TOPBP1: variants seen among roughly 807,000 people sequenced by gnomAD.
TOPBP1 encodes DNA topoisomerase 2-binding protein 1.
TOPBP1 carries 28 observed loss-of-function variants against 167.7 expected under a neutral mutation model. That is an observed-to-expected ratio of 0.17 (90% CI 0.12 to 0.23). TOPBP1 has a LOEUF of 0.23. TOPBP1 is among the 10% of genes least tolerant of loss of function. The pLI, the probability that TOPBP1 is intolerant of heterozygous loss-of-function variation, is 1.00. For missense variants in TOPBP1, 1,554 were observed against 1,809.6 expected, an observed-to-expected ratio of 0.86 and a Z score of 2.56; for synonymous variants, 598 against 611.4, an observed-to-expected ratio of 0.98 and a Z score of 0.32.
intron 21 of TOPBP1, among the ~76,000 whole-genome samples, chr3:133,617,799 TAGG>T (rs778078388): frequency 2.2e-4 from 33 of 151,876 alleles, no homozygotes; most frequent in Non-Finnish European, 3.7e-4. Context: ...AGAAAAAAAA[TAGG>T]AGAATTCAGA....
At chr3:133,616,041 G>A (rs1193308023) in intron 23 of TOPBP1, among the ~76,000 whole-genome samples, 2 of 152,094 alleles carry the variant, frequency 1.3e-5, no homozygotes, top group African/African-American at 2.4e-5. Flanking sequence ...ATGATGTCAG[G>A]TGGAGAGCCT....
chr3:133,647,381 T>C (rs546264151), intron 10 of TOPBP1, among the ~76,000 whole-genome samples: 8 of 152,212 alleles, frequency 5.3e-5, no homozygotes, highest in Non-Finnish European at 8.8e-5. Flanking sequence ...TTTTCTGGGG[T>C]AACAAACCCC....
Position 133,620,230 on chromosome 3 carries a change from C to T in TOPBP1, c.3296G>A (p.Cys1099Tyr), listed in dbSNP as rs1269854277. 6.2e-7 allele frequency: 1 copy of T among 1,613,810 alleles called. No individual in the cohort carries two copies. The highest frequency in any genetic ancestry group is 1.3e-5 in the African/African-American group (1 of 74,924). ...GQRTSLSRSG[C>Y]NSASSTPDST... Reference sequence around the variant, plus strand: ...GTCAGGGGTTGAAGATGCGCTGTTACAACCACTTCTTGAAAGGGAAGTCCT... The same window carrying T: ...GTCAGGGGTTGAAGATGCGCTGTTATAACCACTTCTTGAAAGGGAAGTCCT... Residue 1099 changes from cysteine (C) to tyrosine (Y), a missense_variant, in exon 20 of 28, where the codon TGT becomes TAT. By Grantham distance (194) the Cys-to-Tyr change is radical (BLOSUM62 -2). Transcript: ENST00000260810.
intron 14 of TOPBP1, among the ~76,000 whole-genome samples, 160 bp from the exon 15 acceptor site, chr3:133,628,893 A>G (rs538613884): frequency 6.6e-6 from 1 of 152,324 alleles, no homozygotes; most frequent in Non-Finnish European, 1.5e-5. Context: ...AACTTCCTCT[A>G]GTTTTCCTCC....
chr3:133,600,533 C>T lies in TOPBP1; in HGVS notation c.*717G>A, dbSNP rs1271984267. ...GGATTACAGGCACGAGCCACCGCAC[C>T]CAGGCCCCTGCAATTCATTTTTTAC... On this transcript the variant is annotated 3_prime_UTR_variant, in exon 28 of 28. Transcript: ENST00000260810. The T allele has an allele frequency of 6.6e-6, 1 of 152,418 alleles. No individual in the cohort carries two copies. Among genetic ancestry groups the T allele is most frequent in the African/African-American group, 2.4e-5 (1 of 41,460 alleles). 9.4% of individuals were successfully genotyped at this position (152,418 alleles called of 1,614,324 possible). A position where few individuals can be genotyped will look rare whatever the true frequency, so the allele number is the denominator to read the frequency against.
intron 4 of TOPBP1, 25 bp from the exon 5 acceptor site, chr3:133,656,882 TA>T: frequency 6.6e-7 from 1 of 1,505,592 alleles, no homozygotes; most frequent in South Asian, 1.4e-5. Context: ...GAGAACACAT[TA>T]ATGCTGAAGC....
chr3:133,624,141 A>G lies in TOPBP1; in HGVS notation c.2839T>C (p.Tyr947His). 1.2e-6 allele frequency: 2 copies of G among 1,613,828 alleles called. No homozygotes were observed. Among genetic ancestry groups the G allele is most frequent in the Non-Finnish European group, 1.7e-6 (2 of 1,179,822 alleles). ...TTAGTGTCATTTGGCCGCCCTTGAT[A>G]GATGAAATGAGTCACTGTTTCATCA... is the stretch of plus-strand genomic sequence containing the variant. ...SFDETVTHFI[Y>H]QGRPNDTNRE... Residue 947 changes from tyrosine to histidine, a missense_variant, in exon 17 of 28, where the codon TAT (tyrosine) becomes CAT (histidine). Tyr to His is a moderately conservative substitution (Grantham distance 83, BLOSUM62 2). Coordinates refer to ENST00000260810, the MANE Select transcript of TOPBP1 (RefSeq NM_007027.4).
At chr3:133,607,884 T>C (rs1459715930) in intron 27 of TOPBP1, among the ~76,000 whole-genome samples, 1 of 152,192 alleles carries the variant, frequency 6.6e-6, no homozygotes, top group Non-Finnish European at 1.5e-5. Flanking sequence ...TCCTGAGCAA[T>C]CTCCAAGCAC....
intron 14 of TOPBP1, among the ~76,000 whole-genome samples, chr3:133,637,473 C>T (rs1204816967): frequency 6.6e-6 from 1 of 152,060 alleles, no homozygotes; most frequent in Non-Finnish European, 1.5e-5. Flanking sequence ...ACTCTGAGAA[C>T]CAATATATAA....
chr3:133,608,434 T>C, intron 27 of TOPBP1, 101 bp downstream of exon 27: 2 of 1,322,604 alleles, frequency 1.5e-6, no homozygotes, highest in Non-Finnish European at 2.1e-6. Flanking sequence ...GAGACTAATC[T>C]TCTACTAATC....
chr3:133,621,635 C>T (rs970152657), intron 19 of TOPBP1, among the ~76,000 whole-genome samples: 7 of 152,136 alleles, frequency 4.6e-5, no homozygotes, highest in African/African-American at 7.2e-5. Flanking sequence ...GGTAAGTCCT[C>T]GGAACCACTG....
Position 133,640,049 on chromosome 3 carries a change from C to T in TOPBP1, c.2143G>A (p.Ala715Thr). 6.2e-7 allele frequency: 1 copy of T among 1,613,904 alleles called. No homozygotes were observed. The highest frequency in any genetic ancestry group is 8.5e-7 in the Non-Finnish European group (1 of 1,179,848). ...TCCAACAGCCAAGCTATAGTAACGG[C>T]AGGTAAATTCCACTTCTTTGCAGCT... ...YEAAKKWNLPAVTIAWLLETA... is the reference protein window; with the variant it reads ...YEAAKKWNLPTVTIAWLLETA... The change falls in exon 13 of 28, where the codon GCC becomes ACC. Residue 715 changes from alanine (A) to threonine (T), a missense_variant. Around this residue, in one of 3 missense-constraint regions of TOPBP1, gnomAD observed 1,197 missense variants for 1,351.5 expected, o/e 0.89. Transcript: ENST00000260810.
rs1193155971 is a variant in TOPBP1 at position 133,637,867 on chromosome 3, A to G, written c.2520+9T>C. The G allele has an allele frequency of 6.2e-7, 1 of 1,612,874 alleles. No individual in the cohort carries two copies. ...TGTTAACTCTGGGACCACTGCCTAT[A>G]AACCTTACCTTCACATCAAAGGAAG... On this transcript the variant is annotated intron_variant, in intron 14 of 27. Coordinates refer to ENST00000260810, the MANE Select transcript of TOPBP1 (RefSeq NM_007027.4).
At position 133,620,996 on chromosome 3, in the gene TOPBP1, T is replaced by C. The variant is rs1293519448; in HGVS notation, c.3179-649A>G. ...TGTCTTATAGTCATTTGTGTATGTG[T>C]CTGATTTTTCCCAAAGATTCTTTTA... On this transcript the variant is annotated intron_variant, in intron 19 of 27. Transcript: ENST00000260810. 2.0e-5 allele frequency among the ~76,000 whole-genome samples: 3 copies of C among 152,184 alleles called. No individual in the cohort carries two copies. In the South Asian group the frequency reaches 6.2e-4, roughly 32 times the overall value.
intron 4 of TOPBP1, 91 bp downstream of exon 4, chr3:133,657,707 A>T (rs1033425655): frequency 9.2e-7 from 1 of 1,090,472 alleles, no homozygotes; most frequent in Non-Finnish European, 1.2e-6. Flanking sequence ...CAATAAGCGG[A>T]AAGTCTTTTA....
chr3:133,606,697 T>C (rs532282957), intron 27 of TOPBP1, among the ~76,000 whole-genome samples: 8 of 152,044 alleles, frequency 5.3e-5, no homozygotes, highest in African/African-American at 7.2e-5. Context: ...TGAAACAGAA[T>C]AGAGACTCAC....
intron 5 of TOPBP1, 102 bp downstream of exon 5, chr3:133,656,574 T>C: frequency 8.7e-7 from 1 of 1,146,698 alleles, no homozygotes; most frequent in South Asian, 1.9e-5. Context: ...AATGACACTA[T>C]TTTTTTCCCT....
chr3:133,658,090 T>C (rs1359170902), intron 3 of TOPBP1, 149 bp from the exon 4 acceptor site: 5 of 599,154 alleles, frequency 8.3e-6, no homozygotes, highest in Non-Finnish European at 1.4e-5. Context: ...AAAATAAAGA[T>C]GACTATATAA....
intron 2 of TOPBP1, among the ~76,000 whole-genome samples, chr3:133,660,248 CT>C (rs1420523305): frequency 1.3e-5 from 2 of 152,298 alleles, no homozygotes; most frequent in East Asian, 3.9e-4. Flanking sequence ...TTATAACCCC[CT>C]TCTCTTCCCA....
Sources: gnomAD v4.1 joint callset for allele counts (sites outside exome capture counted in the v4.1 genomes callset) on GRCh38, gnomAD v4.1.1 for gene constraint, gnomAD v4.1.1 regional missense constraint, MANE v1.5 for transcripts, NCBI Gene and HGNC (gene_info 2026-07-23, HGNC 2026-07-21) for gene names.